Variants in FOXK1 observed in about 807,000 individuals in gnomAD.
The protein encoded by FOXK1 is forkhead box K1.
A neutral mutation model predicts 51.9 loss-of-function variants in FOXK1; 19 were observed. The observed-to-expected ratio is 0.37, with a 90% confidence interval of 0.26 to 0.54. The LOEUF is 0.54. Ranked by LOEUF, FOXK1 falls within the 20% of genes least tolerant of loss-of-function variation. The pLI is 0.87. For synonymous variants in FOXK1, 537 were observed against 482.6 expected (o/e 1.11, Z -1.48); for missense variants, 870 against 1,032.7 (o/e 0.84, Z 2.16).
intron 1 of FOXK1, among the ~76,000 whole-genome samples, chr7:4,719,127 T>TG (rs1336712488): frequency 4.7e-5 from 6 of 127,236 alleles, no homozygotes; most frequent in Non-Finnish European, 1.0e-4. Flanking sequence ...TTTGTTTTTT[T>TG]TTTGTTTGTT....
At chr7:4,742,154 C>T (rs1780642658) in intron 2 of FOXK1, among the ~76,000 whole-genome samples, 2 of 152,246 alleles carry the variant, frequency 1.3e-5, no homozygotes, top group African/African-American at 4.8e-5. Context: ...GCAAAGGTCA[C>T]CCCAGTGGAA....
Position 4,764,447 on chromosome 7 carries a change from G to T in FOXK1, c.*1983G>T, listed in dbSNP as rs1238040616. The T allele has an allele frequency of 6.5e-6, 1 of 154,520 alleles. No individual in the cohort carries two copies. Among genetic ancestry groups the T allele is most frequent in the African/African-American group, 2.4e-5 (1 of 41,538 alleles). The allele number at this position is 154,520 out of a possible 1,614,324, so 9.6% of individuals were successfully genotyped here. On this transcript the variant is annotated 3_prime_UTR_variant, in exon 9 of 9. Coordinates refer to ENST00000328914, the MANE Select transcript of FOXK1 (RefSeq NM_001037165.2). ...AACACAGCCGGCTGTCCTGGGTGCA[G>T]TTACGTCCGTGGAGGGTGAGAGATT...
chr7:4,725,444 C>A (rs1473300788), intron 1 of FOXK1, among the ~76,000 whole-genome samples: 1 of 152,238 alleles, frequency 6.6e-6, no homozygotes, highest in Non-Finnish European at 1.5e-5. Context: ...GTCTCAGGAG[C>A]CCAGCCAGCC....
In FOXK1 at chr7:4,755,867, CCTT is replaced by C. The variant is rs1205083940; in HGVS notation, c.1050+490_1050+492del. Among the ~76,000 whole-genome samples, 6 of 152,262 alleles carry C rather than the reference CCTT, an allele frequency of 3.9e-5. No homozygotes were observed. Among genetic ancestry groups the C allele is most frequent in the African/African-American group, 1.4e-4 (6 of 41,562 alleles). On this transcript the variant is annotated intron_variant, in intron 4 of 8. Transcript: ENST00000328914. The surrounding 1 kb of genome is among the most constrained non-coding windows in gnomAD (Gnocchi z 6.6). ...TCTAAATACTCTTTTTTATTAGTTTCCTTCTTCTGAGCCCCAGAACTGAGAAGA... is the reference window on the plus strand; with the variant it reads ...TCTAAATACTCTTTTTTATTAGTTTCCTTCTGAGCCCCAGAACTGAGAAGA...
Position 4,747,518 on chromosome 7 carries a change from T to TG in FOXK1, c.746+6501dup, listed in dbSNP as rs1201274220. Among the ~76,000 whole-genome samples the TG allele has an allele frequency of 2.6e-5, 4 of 152,180 alleles. No homozygotes were observed. The highest frequency in any genetic ancestry group is 4.4e-5 in the Non-Finnish European group (3 of 68,042). On this transcript the variant is annotated intron_variant, in intron 2 of 8. Coordinates refer to ENST00000328914, the MANE Select transcript of FOXK1 (RefSeq NM_001037165.2). The surrounding 1 kb of genome is among the most constrained non-coding windows in gnomAD (Gnocchi z 9.2). ...TTTAATGCTGGTTCCAATTTGGGTT[T>TG]GGGGGGTTGATTTTGTTTTTGTTTG...
rs1180831304 is a variant in FOXK1 at position 4,708,926 on chromosome 7, G to A, written c.560+26058G>A. 4.6e-5 allele frequency among the ~76,000 whole-genome samples: 7 copies of A among 152,196 alleles called. No homozygotes were observed. In the East Asian group the frequency reaches 9.7e-4, roughly 21 times the overall value. ...CTAAAAATACAGAAATTAGCTGGGC[G>A]TGATGGCGTGTGCCTGTAGTCCCAG... On this transcript the variant is annotated intron_variant, in intron 1 of 8. Transcript: ENST00000328914.
rs189769602 is a variant in FOXK1, at chr7:4,689,140, G to A, written c.560+6272G>A. Among the ~76,000 whole-genome samples the A allele has an allele frequency of 1.6e-3, 243 of 152,144 alleles. 2 individuals carry two copies. The highest frequency in any genetic ancestry group is 5.7e-3 in the African/African-American group (236 of 41,512). ...TTACAGGCATCCACCACCACGCCTG[G>A]CTAATTTTTGTATTTTTAGTAGAGA... On this transcript the variant is annotated intron_variant, in intron 1 of 8. Coordinates refer to ENST00000328914, the MANE Select transcript of FOXK1 (RefSeq NM_001037165.2).
In FOXK1 at chr7:4,767,029, A is replaced by G. The variant is rs1272901005; in HGVS notation, c.*4565A>G. The stretch of plus-strand genomic sequence containing the variant: ...GAACACGGGGAGGTGTCGGAGAAGA[A>G]AGGATTTTCCCCTTCGCTTTCAGAG... On this transcript the variant is annotated 3_prime_UTR_variant, in exon 9 of 9. Transcript: ENST00000328914. The surrounding 1 kb of genome is among the most constrained non-coding windows in gnomAD (Gnocchi z 6.6). 6.6e-6 allele frequency: 1 copy of G among 152,260 alleles called. No homozygotes were observed. Among genetic ancestry groups the G allele is most frequent in the Admixed American group, 6.5e-5 (1 of 15,276 alleles). The allele number at this position is 152,260 out of a possible 1,614,324, so 9.4% of individuals were successfully genotyped here. A position where few individuals can be genotyped will look rare whatever the true frequency, so the allele number is the denominator to read the frequency against.
rs901335907 is a variant in FOXK1 at position 4,753,794 on chromosome 7, C to T, written c.747-665C>T. ...CCTGCCTGTGGTCCCGGCCTCAACC[C>T]AGAGCCTCACCTGCAGCCGGGGGTG... On this transcript the variant is annotated intron_variant, in intron 2 of 8. Transcript: ENST00000328914. The surrounding 1 kb of genome is among the most constrained non-coding windows in gnomAD (Gnocchi z 4.9). 1.3e-5 allele frequency among the ~76,000 whole-genome samples: 2 copies of T among 152,218 alleles called. No individual in the cohort carries two copies. The highest frequency in any genetic ancestry group is 2.9e-5 in the Non-Finnish European group (2 of 68,038).
rs367605292 is a variant in FOXK1 at position 4,759,558 on chromosome 7, G to A, written c.1659G>A (p.Ala553=). 365 of 1,540,870 alleles carry A rather than the reference G, an allele frequency of 2.4e-4. No individual in the cohort carries two copies. Among genetic ancestry groups the A allele is most frequent in the Middle Eastern group, 3.3e-4 (2 of 6,016 alleles). The change falls in exon 7 of 9, where the codon GCG becomes GCA. Residue 553 remains alanine (A), a synonymous_variant. Coordinates refer to ENST00000328914, the MANE Select transcript of FOXK1 (RefSeq NM_001037165.2). ...QGAAGGSHDA[A]GAAVLDLGSE... is the part of the protein sequence containing the mutation. ...CGGCGGGGGGCTCCCATGATGCGGCGGGCGCAGCCGTGCTGGACCTGGGCA... is the reference window on the plus strand; with the variant it reads ...CGGCGGGGGGCTCCCATGATGCGGCAGGCGCAGCCGTGCTGGACCTGGGCA...
intron 3 of FOXK1, 132 bp downstream of exon 3, chr7:4,754,747 A>T: frequency 8.7e-7 from 1 of 1,153,708 alleles, no homozygotes; most frequent in Non-Finnish European, 1.2e-6. Flanking sequence ...CAGGGAATGG[A>T]GCCGCAGCTG....
chr7:4,747,129 C>G lies in FOXK1; in HGVS notation c.746+6106C>G, dbSNP rs955574275. ...TCCGAATCTGTTGAAAGGACATCCC[C>G]ACGCCCGCGTTTCCTGTAATCTCGG... On this transcript the variant is annotated intron_variant, in intron 2 of 8. Coordinates refer to ENST00000328914, the MANE Select transcript of FOXK1 (RefSeq NM_001037165.2). The surrounding 1 kb of genome is among the most constrained non-coding windows in gnomAD (Gnocchi z 9.2). 6.6e-6 allele frequency among the ~76,000 whole-genome samples: 1 copy of G among 152,282 alleles called. No individual in the cohort carries two copies. Among genetic ancestry groups the G allele is most frequent in the Non-Finnish European group, 1.5e-5 (1 of 68,018 alleles).
At chr7:4,754,906 A>C (rs1191295409) in intron 3 of FOXK1, 2 of 578,182 alleles carry the variant, frequency 3.5e-6, no homozygotes, top group Non-Finnish European at 6.2e-6. Context: ...CAAAGCCTTC[A>C]TACAGCCCTT....
At chr7:4,719,894 A>C (rs541952065) in intron 1 of FOXK1, among the ~76,000 whole-genome samples, 1 of 152,034 alleles carries the variant, frequency 6.6e-6, no homozygotes, top group South Asian at 2.1e-4. Flanking sequence ...TTTTATACTG[A>C]ATTTTGAGTT....
In FOXK1 at chr7:4,743,622, T is replaced by G. The variant is rs149079445; in HGVS notation, c.746+2599T>G. On this transcript the variant is annotated intron_variant, in intron 2 of 8. Transcript: ENST00000328914. This position sits in a 1 kb window ranked among gnomAD's most constrained non-coding sequence, Gnocchi z 5.3. ...GAAGAAAGCAGTTGAGCGCAGTATA[T>G]GTACTTAAGTCTTCACCTAGTACCA... Among the ~76,000 whole-genome samples the G allele has an allele frequency of 3.1e-3, 474 of 152,356 alleles. 1 individual carries two copies. The highest frequency in any genetic ancestry group is 0.011 in the African/African-American group (446 of 41,582).
In FOXK1 at chr7:4,732,154, C is replaced by T. The variant is rs566644511; in HGVS notation, c.561-8684C>T. 1.0e-3 allele frequency among the ~76,000 whole-genome samples: 153 copies of T among 152,334 alleles called. 1 individual carries two copies. Among genetic ancestry groups the T allele is most frequent in the South Asian group, 6.2e-3 (30 of 4,830 alleles). ...TATTCCCCCACGCCTCAGTATTTAG[C>T]GAGGGCTCCTTATGTGTGACACGCC... On this transcript the variant is annotated intron_variant, in intron 1 of 8. Transcript: ENST00000328914.
At chr7:4,708,609 G>T (rs1285450016) in intron 1 of FOXK1, among the ~76,000 whole-genome samples, 1 of 152,246 alleles carries the variant, frequency 6.6e-6, no homozygotes, top group Non-Finnish European at 1.5e-5. Flanking sequence ...GTATAAACTT[G>T]TGTGTGGCCT....
chr7:4,750,013 T>G (rs1193321864), intron 2 of FOXK1, among the ~76,000 whole-genome samples: 1 of 152,072 alleles, frequency 6.6e-6, no homozygotes, highest in Non-Finnish European at 1.5e-5. Context: ...CCGGGGTGGG[T>G]CAGCATGGGG....
Position 4,709,421 on chromosome 7 carries a change from A to G in FOXK1, c.560+26553A>G, listed in dbSNP as rs1423506501. Among the ~76,000 whole-genome samples the G allele has an allele frequency of 6.6e-6, 1 of 152,090 alleles. No individual in the cohort carries two copies. Among genetic ancestry groups the G allele is most frequent in the South Asian group, 2.1e-4 (1 of 4,824 alleles). ...ACAGGGCCAGGCTCTTCCCAAGCGCACAGTCCACATAGGCTGCTTATCTGG... is the reference window on the plus strand; with the variant it reads ...ACAGGGCCAGGCTCTTCCCAAGCGCGCAGTCCACATAGGCTGCTTATCTGG... On this transcript the variant is annotated intron_variant, in intron 1 of 8. Transcript: ENST00000328914. The surrounding 1 kb of genome is among the most constrained non-coding windows in gnomAD (Gnocchi z 5.6).
Sources: gnomAD v4.1 joint callset for allele counts (sites outside exome capture counted in the v4.1 genomes callset) on GRCh38, gnomAD v4.1.1 for gene constraint, Gnocchi (gnomAD v3.1) non-coding constraint, MANE v1.5 for transcripts, NCBI Gene and HGNC (gene_info 2026-07-23, HGNC 2026-07-21) for gene names.